The following LAMA4 variants were observed in gnomAD, a reference collection of about 807,000 sequenced individuals.
LAMA4 encodes laminin subunit alpha-4.
A neutral mutation model predicts 207.1 loss-of-function variants in LAMA4; 127 were observed. The ratio of observed to expected loss-of-function variants is 0.61; its 90% CI spans 0.53 to 0.71. The LOEUF is 0.71. LAMA4 is among the 30% of genes least tolerant of loss of function. The pLI is 0.00. For synonymous variants in LAMA4, 761 were observed against 816.0 expected (o/e 0.93, Z 1.15); for missense variants, 2,093 against 2,246.5 (o/e 0.93, Z 1.38).
At chr6:112,254,335 GCCTCTCTCTC>G in intron 1 of LAMA4, 44 bp from the exon 2 acceptor site, 2 of 674,910 alleles carry the variant, frequency 3.0e-6, no homozygotes, top group Middle Eastern at 4.0e-4. Flanking sequence ...GAGAGTTCCA[GCCTCTCTCTC>G]CCTCTCTCTC....
At chr6:112,218,947 G>A (rs1256510265) in intron 2 of LAMA4, 1 of 152,232 alleles carries the variant, frequency 6.6e-6, no homozygotes, top group Non-Finnish European at 1.5e-5. Context: ...CCCTGCTAGA[G>A]CACATGTCCT....
chr6:112,190,871 TTTTCTTTC>T (rs1173465019), intron 6 of LAMA4, among the ~76,000 whole-genome samples: 1,944 of 91,478 alleles, frequency 0.021, 148 homozygotes, highest in Non-Finnish European at 0.026. Context: ...CAAGGTTTCT[TTTTCTTTC>T]TTTCTTTCTT....
chr6:112,190,938 T>TCTTA (rs1554348672), intron 6 of LAMA4, among the ~76,000 whole-genome samples: 33 of 59,958 alleles, frequency 5.5e-4, no homozygotes, highest in Non-Finnish European at 8.6e-4. Flanking sequence ...TTTCTTTCTT[T>TCTTA]CTTTCTTTCC....
Position 112,178,454 on chromosome 6 carries a change from G to T in LAMA4, c.1078-222C>A, listed in dbSNP as rs9400520. 232,535 of 518,082 alleles carry T rather than the reference G, an allele frequency of 0.45. 55,926 individuals are homozygous for T. Among genetic ancestry groups the T allele is most frequent in the Middle Eastern group, 0.55 (1,011 of 1,844 alleles). 32.1% of individuals were successfully genotyped at this position (518,082 alleles called of 1,614,324 possible). The stretch of plus-strand genomic sequence containing the variant: ...TTTTTAATTTTTCCGTAAGTTATTG[G>T]GGTATAGGTGGTATTTGGTTACATG... On this transcript the variant is annotated intron_variant, in intron 9 of 38. Transcript: ENST00000230538.
At chr6:112,169,995 T>G (rs782370349) in intron 12 of LAMA4, among the ~76,000 whole-genome samples, 11 of 152,246 alleles carry the variant, frequency 7.2e-5, no homozygotes, top group Non-Finnish European at 1.6e-4. Context: ...TCATTGACTG[T>G]GTGCTCCCCT....
rs572658335 is a variant in LAMA4 at position 112,145,506 on chromosome 6, A to T, written c.2354-573T>A. Among the ~76,000 whole-genome samples the T allele has an allele frequency of 1.6e-4, 25 of 152,352 alleles. No homozygotes were observed. The East Asian group carries it at 3.7e-3, about 22-fold the overall frequency. ...TAACCCTGAAGGCAAGAGCAAGCCGACTGCTCAGCTGTGTGTGGGAGCAGC... is the reference window on the plus strand; with the variant it reads ...TAACCCTGAAGGCAAGAGCAAGCCGTCTGCTCAGCTGTGTGTGGGAGCAGC... On this transcript the variant is annotated intron_variant, in intron 18 of 38. Transcript: ENST00000230538.
intron 16 of LAMA4, 135 bp downstream of exon 16, chr6:112,154,716 G>C: frequency 1.4e-6 from 1 of 705,398 alleles, no homozygotes; most frequent in Non-Finnish European, 2.6e-6. Flanking sequence ...ACTTGACTCT[G>C]AGCAGGAACT....
chr6:112,240,681 TTAACA>T (rs1423902820), intron 2 of LAMA4, among the ~76,000 whole-genome samples: 3 of 152,206 alleles, frequency 2.0e-5, no homozygotes, highest in Non-Finnish European at 4.4e-5. Context: ...CTTATTTAAC[TTAACA>T]TAAAGTTTCA....
intron 9 of LAMA4, among the ~76,000 whole-genome samples, chr6:112,184,732 G>A (rs868953394): frequency 3.9e-5 from 6 of 152,058 alleles, no homozygotes; most frequent in African/African-American, 9.6e-5. Context: ...CTCTTTAAAC[G>A]GGCTAATTTA....
chr6:112,158,477 T>G (rs1780853726), intron 14 of LAMA4: 1 of 480,832 alleles, frequency 2.1e-6, no homozygotes, highest in Non-Finnish European at 3.8e-6. Context: ...CAGATTTTTT[T>G]TAAATAAAAA....
At chr6:112,157,132 C>A (rs1167089637) in intron 14 of LAMA4, among the ~76,000 whole-genome samples, 1 of 152,150 alleles carries the variant, frequency 6.6e-6, no homozygotes, top group African/African-American at 2.4e-5. Flanking sequence ...TGTTCCTCCC[C>A]ACAACCCCTT....
At chr6:112,183,940 G>A (rs1782519911) in intron 9 of LAMA4, among the ~76,000 whole-genome samples, 1 of 107,326 alleles carries the variant, frequency 9.3e-6, no homozygotes, top group African/African-American at 3.7e-5. Context: ...AACAAAGCGA[G>A]ACTCCATCTC....
chr6:112,144,676 C>G (rs1190804099), intron 19 of LAMA4, 118 bp downstream of exon 19: 1 of 1,193,030 alleles, frequency 8.4e-7, no homozygotes, highest in Non-Finnish European at 1.2e-6. Context: ...GGGCTGAGAA[C>G]TACTGAGTTG....
chr6:112,233,198 C>G (rs782393613), intron 2 of LAMA4, among the ~76,000 whole-genome samples: 6 of 152,182 alleles, frequency 3.9e-5, no homozygotes, highest in Non-Finnish European at 7.4e-5. Flanking sequence ...AATTACACAA[C>G]AGAATCGTAT....
chr6:112,155,475 A>T, intron 15 of LAMA4, 90 bp downstream of exon 15: 1 of 1,436,724 alleles, frequency 7.0e-7, no homozygotes, highest in East Asian at 2.3e-5. Context: ...TGCCATTTGG[A>T]TTTCACACTG....
Position 112,109,394 on chromosome 6 carries a change from T to C in LAMA4, c.*43A>G. 1 of 1,611,304 alleles carries C rather than the reference T, an allele frequency of 6.2e-7. No individual in the cohort carries two copies. Among genetic ancestry groups the C allele is most frequent in the Non-Finnish European group, 8.5e-7 (1 of 1,178,702 alleles). ...CTGGCTGGCTTTGTGTTTCTTTCAG[T>C]GCTCTAAAGAACTTTGTATTTGGGC... On this transcript the variant is annotated 3_prime_UTR_variant, in exon 39 of 39. Coordinates refer to ENST00000230538, the MANE Select transcript of LAMA4 (RefSeq NM_001105206.3).
At chr6:112,123,159 T>G (rs1778478204) in intron 31 of LAMA4, among the ~76,000 whole-genome samples, 1 of 151,790 alleles carries the variant, frequency 6.6e-6, no homozygotes, top group African/African-American at 2.4e-5. Context: ...AGGGAGGGAG[T>G]GGCCTGCTCT....
intron 13 of LAMA4, among the ~76,000 whole-genome samples, chr6:112,164,893 G>C (rs1311360863): frequency 6.6e-6 from 1 of 152,204 alleles, no homozygotes; most frequent in Non-Finnish European, 1.5e-5. Flanking sequence ...GTAGCTGCTA[G>C]CTATGTGGCT....
At chr6:112,150,770 C>T (rs773008894) in intron 16 of LAMA4, 143 bp from the exon 17 acceptor site, 18 of 712,590 alleles carry the variant, frequency 2.5e-5, no homozygotes, top group Admixed American at 4.0e-5. Flanking sequence ...CATAGATCAA[C>T]AATTCTGGAA....
Sources: gnomAD v4.1 joint callset for allele counts (sites outside exome capture counted in the v4.1 genomes callset) on GRCh38, gnomAD v4.1.1 for gene constraint, MANE v1.5 for transcripts, NCBI Gene and HGNC (gene_info 2026-07-23, HGNC 2026-07-21) for gene names.